LRRC4C: variants seen among roughly 807,000 people sequenced by gnomAD.
LRRC4C encodes leucine-rich repeat-containing protein 4C.
Under a neutral mutation model 33.6 loss-of-function variants are expected in LRRC4C, and 5 were observed. That is an observed-to-expected ratio of 0.15 (90% CI 0.08 to 0.31). The LOEUF (loss-of-function observed/expected upper bound fraction) is 0.31. LRRC4C is among the 10% of genes least tolerant of loss of function. LRRC4C has a pLI of 1.00. For synonymous variants in LRRC4C, 329 were observed against 302.0 expected (o/e 1.09, Z -0.93); for missense variants, 560 against 796.7 (o/e 0.70, Z 3.58).
intron 3 of LRRC4C, among the ~76,000 whole-genome samples, chr11:40,604,421 C>T (rs913952973): frequency 9.2e-5 from 14 of 152,106 alleles, no homozygotes; most frequent in Admixed American, 3.3e-4. Flanking sequence ...AGAAGAACTC[C>T]GCAAAGTAGA....
At chr11:40,875,636 G>C (rs1954846639) in intron 2 of LRRC4C, among the ~76,000 whole-genome samples, 2 of 152,086 alleles carry the variant, frequency 1.3e-5, no homozygotes, top group Admixed American at 6.6e-5. Flanking sequence ...TTGGATAAGA[G>C]ATGTTCAACC....
At chr11:40,681,648 C>T (rs899146606) in intron 2 of LRRC4C, among the ~76,000 whole-genome samples, 2 of 150,906 alleles carry the variant, frequency 1.3e-5, no homozygotes, top group Non-Finnish European at 2.9e-5. Flanking sequence ...ACCTGTAATC[C>T]CAACACTTTC....
chr11:40,500,761 C>A (rs995817735), intron 3 of LRRC4C, among the ~76,000 whole-genome samples: 12 of 152,018 alleles, frequency 7.9e-5, no homozygotes, highest in Admixed American at 2.0e-4. Flanking sequence ...CAGAGCCAAC[C>A]CATATCATTT....
intron 3 of LRRC4C, among the ~76,000 whole-genome samples, chr11:40,331,155 A>G (rs1946345005): frequency 6.6e-6 from 1 of 152,224 alleles, no homozygotes; most frequent in South Asian, 2.1e-4. Flanking sequence ...CAGGGAGAAA[A>G]GGGAACTTTT....
chr11:40,342,850 ATATC>A (rs1344143434), intron 3 of LRRC4C, among the ~76,000 whole-genome samples: 39 of 152,148 alleles, frequency 2.6e-4, no homozygotes, highest in East Asian at 1.9e-3. Context: ...ATTTTCCTTT[ATATC>A]TATCTATCTA....
intron 3 of LRRC4C, among the ~76,000 whole-genome samples, chr11:40,576,967 C>T (rs1958218970): frequency 6.6e-6 from 1 of 152,102 alleles, no homozygotes; most frequent in Admixed American, 6.6e-5. Flanking sequence ...TAGTTCCCTT[C>T]TTATAGATTT....
chr11:41,205,585 ATTTG>A (rs539536728), intron 1 of LRRC4C, among the ~76,000 whole-genome samples: 132 of 152,292 alleles, frequency 8.7e-4, no homozygotes, highest in Non-Finnish European at 1.6e-3. Flanking sequence ...TCAGAGATAA[ATTTG>A]TTTGTTTGTT....
chr11:41,426,709 A>C (rs1257678949), intron 1 of LRRC4C, among the ~76,000 whole-genome samples: 1 of 152,100 alleles, frequency 6.6e-6, no homozygotes, highest in Non-Finnish European at 1.5e-5. Context: ...AACAGCAGTA[A>C]TTTTCCAAGG....
At chr11:40,505,410 G>A (rs1310106804) in intron 3 of LRRC4C, among the ~76,000 whole-genome samples, 4 of 152,098 alleles carry the variant, frequency 2.6e-5, no homozygotes, top group Admixed American at 2.6e-4. Context: ...GCCCTTTTCT[G>A]CTCAGGTCTT....
chr11:40,340,690 T>G (rs1267976780), intron 3 of LRRC4C, among the ~76,000 whole-genome samples: 2 of 152,080 alleles, frequency 1.3e-5, no homozygotes, highest in Non-Finnish European at 2.9e-5. Context: ...AAATTGAAGA[T>G]CAGAAAACTT....
At chr11:41,395,616 A>G (rs891566547) in intron 1 of LRRC4C, among the ~76,000 whole-genome samples, 1 of 152,032 alleles carries the variant, frequency 6.6e-6, no homozygotes, top group Admixed American at 6.6e-5. Context: ...ATTAACACCC[A>G]TTTTACAAAG....
intron 1 of LRRC4C, among the ~76,000 whole-genome samples, chr11:41,323,940 TAA>T (rs1162600942): frequency 6.6e-6 from 1 of 152,158 alleles, no homozygotes; most frequent in Non-Finnish European, 1.5e-5. Flanking sequence ...AAAAAGCAAA[TAA>T]AATACAGATT....
chr11:40,820,309 T>A (rs1212731984), intron 2 of LRRC4C, among the ~76,000 whole-genome samples: 1 of 151,918 alleles, frequency 6.6e-6, no homozygotes, highest in Non-Finnish European at 1.5e-5. Context: ...GAAAATAGTG[T>A]CATAAAAGTA....
intron 1 of LRRC4C, among the ~76,000 whole-genome samples, chr11:41,041,088 T>G (rs1857404205): frequency 6.6e-6 from 1 of 152,152 alleles, no homozygotes; most frequent in African/African-American, 2.4e-5. Flanking sequence ...TTTAACTATG[T>G]TTTTAAGAAA....
rs938155144 is a variant in LRRC4C at position 41,165,380 on chromosome 11, TCA to T, written c.-495-231659_-495-231658del. Among the ~76,000 whole-genome samples, 5 of 152,142 alleles carry T rather than the reference TCA, an allele frequency of 3.3e-5. No homozygotes were observed. The East Asian group carries it at 5.8e-4, about 18-fold the overall frequency. Reference sequence around the variant, plus strand: ...CAGGGATGTTGCTCTGTGAAGAATTTCACAGAGTTTTCTCTCAGAAAACTCAA... The same window carrying T: ...CAGGGATGTTGCTCTGTGAAGAATTTCAGAGTTTTCTCTCAGAAAACTCAA... On this transcript the variant is annotated intron_variant, in intron 1 of 6. Transcript: ENST00000528697.
intron 4 of LRRC4C, among the ~76,000 whole-genome samples, chr11:40,275,572 A>T (rs1339361489): frequency 1.3e-5 from 2 of 152,054 alleles, no homozygotes; most frequent in East Asian, 3.9e-4. Context: ...GCTCTAAATT[A>T]CCGCTCATCC....
chr11:40,777,010 A>G lies in LRRC4C; in HGVS notation c.-406-128732T>C, dbSNP rs549650447. Among the ~76,000 whole-genome samples the G allele has an allele frequency of 1.3e-4, 20 of 152,234 alleles. No individual in the cohort carries two copies. The South Asian group carries it at 3.9e-3, about 30-fold the overall frequency. ...AAGAGTCATTCAGAAACACATTTTTAAATTTCCATGTAATTGTATGGTTTT... is the reference window on the plus strand; with the variant it reads ...AAGAGTCATTCAGAAACACATTTTTGAATTTCCATGTAATTGTATGGTTTT... On this transcript the variant is annotated intron_variant, in intron 2 of 6. Coordinates refer to ENST00000528697, the MANE Select transcript of LRRC4C (RefSeq NM_001258419.2).
intron 1 of LRRC4C, among the ~76,000 whole-genome samples, chr11:41,078,834 G>C (rs1939350752): frequency 6.6e-6 from 1 of 152,108 alleles, no homozygotes; most frequent in African/African-American, 2.4e-5. Flanking sequence ...GTTATGGGCT[G>C]TATCTTCAAT....
intron 3 of LRRC4C, among the ~76,000 whole-genome samples, chr11:40,476,935 AT>A (rs1329175575): frequency 6.6e-6 from 1 of 152,220 alleles, no homozygotes; most frequent in Non-Finnish European, 1.5e-5. Flanking sequence ...CTTAATATGC[AT>A]CAGAGAAGTT....
Sources: allele counts gnomAD v4.1 joint callset (sites outside exome capture counted in the v4.1 genomes callset), GRCh38; gene constraint gnomAD v4.1.1; transcripts MANE v1.5; gene names NCBI Gene and HGNC (gene_info 2026-07-23, HGNC 2026-07-21).